Variants in CPO observed in about 807,000 individuals in gnomAD.
CPO encodes the protein metallocarboxypeptidase C.
A neutral mutation model predicts 41.2 loss-of-function variants in CPO; 43 were observed. That is an observed-to-expected ratio of 1.04 (90% confidence interval 0.82 to 1.35). The LOEUF is 1.35. CPO is among the 40% of genes most tolerant of loss of function. The pLI is 0.00. For synonymous variants in CPO, 178 were observed against 162.7 expected (o/e 1.09, Z -0.72); for missense variants, 408 against 451.7 (o/e 0.90, Z 0.88).
At position 206,969,340 on chromosome 2, in the gene CPO, T is replaced by C. The variant is rs1332526236; in HGVS notation, c.1029T>C (p.Asp343=). 8 of 1,614,028 alleles carry C rather than the reference T, an allele frequency of 5.0e-6. No individual in the cohort carries two copies. The highest frequency in any genetic ancestry group is 3.3e-4 in the Middle Eastern group (2 of 6,060). ...TMEAVLSVLD[D]VYAKHWHSDS... ...AGGCTGTGCTGTCAGTCCTGGATGATGTGTATGCGAAACACTGGCACTCGG... is the reference window on the plus strand; with the variant it reads ...AGGCTGTGCTGTCAGTCCTGGATGACGTGTATGCGAAACACTGGCACTCGG... The change falls in exon 9 of 9, where the codon GAT becomes GAC. Residue 343 remains aspartate, a synonymous_variant. Coordinates refer to ENST00000272852, the MANE Select transcript of CPO (RefSeq NM_173077.3).
chr2:206,942,521 A>G (rs968521132), intron 1 of CPO, among the ~76,000 whole-genome samples: 7 of 152,114 alleles, frequency 4.6e-5, no homozygotes, highest in Non-Finnish European at 1.0e-4. Flanking sequence ...TTGCCTCAAT[A>G]TTCATTAGGA....
chr2:206,957,071 A>T (rs1693381678), intron 3 of CPO, among the ~76,000 whole-genome samples: 1 of 152,186 alleles, frequency 6.6e-6, no homozygotes, highest in South Asian at 2.1e-4. Flanking sequence ...ACGTACTCAT[A>T]AAAAGGCTAA....
chr2:206,953,521 G>A (rs1254301028), intron 2 of CPO, among the ~76,000 whole-genome samples: 25 of 152,242 alleles, frequency 1.6e-4, no homozygotes, highest in Admixed American at 1.6e-3. Flanking sequence ...TACAACCTTG[G>A]ACATTCTGTC....
At chr2:206,966,599 G>A (rs999872105) in intron 7 of CPO, among the ~76,000 whole-genome samples, 12 of 151,958 alleles carry the variant, frequency 7.9e-5, no homozygotes, top group South Asian at 2.1e-4. Flanking sequence ...TTAAATCAGC[G>A]TTTTTAGCCT....
chr2:206,939,646 C>G lies in CPO; in HGVS notation c.47C>G (p.Pro16Arg). 6.2e-7 allele frequency: 1 copy of G among 1,611,060 alleles called. No individual in the cohort carries two copies. The highest frequency in any genetic ancestry group is 8.5e-7 in the Non-Finnish European group (1 of 1,177,802). ...CTTTATCTTTTGGGGATGCTGGTTC[C>G]TGGAGGGCTGGGATATGATAGGTGA... ...ETLYLLGMLV[P>R]GGLGYDRSLA... The change falls in exon 1 of 9, where the codon CCT becomes CGT. Residue 16 changes from proline (P) to arginine (R), a missense_variant. Coordinates refer to ENST00000272852, the MANE Select transcript of CPO (RefSeq NM_173077.3).
At chr2:206,956,955 A>G (rs375746792) in intron 3 of CPO, among the ~76,000 whole-genome samples, 14 of 152,356 alleles carry the variant, frequency 9.2e-5, no homozygotes, top group African/African-American at 3.4e-4. Flanking sequence ...AGCAGTCAAA[A>G]AGACATCTAA....
At position 206,958,397 on chromosome 2, in the gene CPO, G is replaced by A. The variant is rs368297452; in HGVS notation, c.364G>A (p.Val122Ile). 7.1e-5 allele frequency: 111 copies of A among 1,571,374 alleles called. 1 individual carries two copies. The highest frequency in any genetic ancestry group is 9.2e-5 in the Non-Finnish European group (105 of 1,146,504). The change falls in exon 4 of 9, where the codon GTC becomes ATC. Residue 122 changes from valine (V) to isoleucine (I), a missense_variant. Physicochemically the swap from Val to Ile is conservative, Grantham distance 29 (BLOSUM62 3). Coordinates refer to ENST00000272852, the MANE Select transcript of CPO (RefSeq NM_173077.3). The stretch of plus-strand genomic sequence containing the variant: ...TGCTCCTGCTTTTTGCCAATGGTTC[G>A]TCAAAGAAGTAAGTGTCTTTAGCTT... The part of the protein sequence containing the change: ...WIAPAFCQWF[V>I]KEILQNHKDN...
intron 2 of CPO, among the ~76,000 whole-genome samples, chr2:206,950,888 T>A (rs566658846): frequency 1.4e-5 from 2 of 140,234 alleles, no homozygotes; most frequent in South Asian, 4.9e-4. Context: ...GAACACATGG[T>A]CACAGGGAGG....
chr2:206,950,936 G>T (rs1455565429), intron 2 of CPO, among the ~76,000 whole-genome samples: 2 of 151,918 alleles, frequency 1.3e-5, no homozygotes, highest in African/African-American at 2.4e-5. Context: ...TGGGTGGGGT[G>T]GGGGCCTGGG....
At chr2:206,945,054 A>C (rs2359859) in intron 1 of CPO, among the ~76,000 whole-genome samples, 1 of 151,886 alleles carries the variant, frequency 6.6e-6, no homozygotes, top group Non-Finnish European at 1.5e-5. Flanking sequence ...AATTGACTAT[A>C]TGTCAGAAAT....
chr2:206,958,192 A>G, intron 3 of CPO, 109 bp from the exon 4 acceptor site: 1 of 579,536 alleles, frequency 1.7e-6, no homozygotes, highest in Non-Finnish European at 3.1e-6. Flanking sequence ...GAAACCACAG[A>G]GTGGAGTGAA....
chr2:206,949,803 T>A, intron 2 of CPO, 90 bp downstream of exon 2: 1 of 754,808 alleles, frequency 1.3e-6, no homozygotes, highest in Non-Finnish European at 2.3e-6. Context: ...ATCCATGCAT[T>A]AGAGAGGCTG....
intron 3 of CPO, among the ~76,000 whole-genome samples, chr2:206,958,088 A>C (rs1161690366): frequency 6.6e-6 from 1 of 152,184 alleles, no homozygotes; most frequent in Non-Finnish European, 1.5e-5. Flanking sequence ...TGCAGTCCTG[A>C]GAACAACCAT....
At chr2:206,944,717 A>G (rs949085853) in intron 1 of CPO, among the ~76,000 whole-genome samples, 1 of 152,030 alleles carries the variant, frequency 6.6e-6, no homozygotes, top group African/African-American at 2.4e-5. Context: ...TAAAATTATT[A>G]TTAATATTAC....
rs1275369064 is a variant in CPO, at chr2:206,959,722, A to T, written c.464A>T (p.Tyr155Phe). Reference protein sequence around the residue: ...YVLPVLNIDGYIYTWTTDRLW... With the variant: ...YVLPVLNIDGFIYTWTTDRLW... ...CTTCCAGTTCTTAACATAGATGGTT[A>T]TATCTACACTTGGACAACTGTGAGT... Residue 155 changes from tyrosine to phenylalanine, a missense_variant, in exon 5 of 9, where the codon TAT becomes TTT. Tyr to Phe is a conservative substitution (Grantham distance 22). Transcript: ENST00000272852. 1.3e-6 allele frequency: 2 copies of T among 1,525,540 alleles called. No homozygotes were observed. The highest frequency in any genetic ancestry group is 1.8e-6 in the Non-Finnish European group (2 of 1,099,532). The allele number at this position is 1,525,540 out of a possible 1,614,324, so 94.5% of individuals were successfully genotyped here. A position where few individuals can be genotyped will look rare whatever the true frequency, so the allele number is the denominator to read the frequency against.
At chr2:206,943,599 C>A (rs1288978722) in intron 1 of CPO, among the ~76,000 whole-genome samples, 3 of 78,114 alleles carry the variant, frequency 3.8e-5, no homozygotes, top group African/African-American at 5.1e-5. Flanking sequence ...GTAACAAAGT[C>A]TTCAGGAAAA....
chr2:206,962,583 C>T lies in CPO; in HGVS notation c.746C>T (p.Thr249Ile), dbSNP rs1368752066. 6 of 1,614,076 alleles carry T rather than the reference C, an allele frequency of 3.7e-6. No homozygotes were observed. Among genetic ancestry groups the T allele is most frequent in the Admixed American group, 3.3e-5 (2 of 60,020 alleles). Residue 249 changes from threonine (T) to isoleucine (I), a missense_variant, in exon 7 of 9, where the codon ACC becomes ATC. By Grantham distance (89) the Thr-to-Ile change is moderately conservative. Transcript: ENST00000272852. ...GQLILTPYGY[T>I]KNKSSNHPEM... Reference sequence around the variant, plus strand: ...TTAATTCTCACACCTTACGGCTACACCAAAAATAAATCAAGTAACCACCCA... The same window carrying T: ...TTAATTCTCACACCTTACGGCTACATCAAAAATAAATCAAGTAACCACCCA...
chr2:206,957,611 T>C (rs953260124), intron 3 of CPO, among the ~76,000 whole-genome samples: 2 of 152,152 alleles, frequency 1.3e-5, no homozygotes, highest in African/African-American at 4.8e-5. Context: ...AAAACAGATG[T>C]GACTGTTCCA....
At position 206,968,257 on chromosome 2, in the gene CPO, C is replaced by G. The variant is rs1482643563; in HGVS notation, c.778-6C>G. 1 of 1,583,442 alleles carries G rather than the reference C, an allele frequency of 6.3e-7. No homozygotes were observed. The highest frequency in any genetic ancestry group is 8.7e-7 in the Non-Finnish European group (1 of 1,152,412). ...AGATATCTGTCTCTGCATTTCCCAC[C>G]TACAGATTCAAGTTGGACAGAAGGC... On this transcript the variant is annotated splice_region_variant and splice_polypyrimidine_tract_variant and intron_variant, in intron 7 of 8. Coordinates refer to ENST00000272852, the MANE Select transcript of CPO (RefSeq NM_173077.3).
Sources: gnomAD v4.1 joint callset for allele counts (sites outside exome capture counted in the v4.1 genomes callset) on GRCh38, gnomAD v4.1.1 for gene constraint, MANE v1.5 for transcripts, NCBI Gene and HGNC (gene_info 2026-07-23, HGNC 2026-07-21) for gene names.